The following SLC14A2 variants were observed in gnomAD, a reference collection of about 807,000 sequenced individuals.
The protein encoded by SLC14A2 is urea transporter 2.
A neutral mutation model predicts 104.6 loss-of-function variants in SLC14A2; 91 were observed. That is an observed-to-expected ratio of 0.87 (90% confidence interval 0.73 to 1.04). The LOEUF (loss-of-function observed/expected upper bound fraction) is 1.04. SLC14A2 is among the 50% of genes least tolerant of loss of function. The pLI is 0.00. For synonymous variants in SLC14A2, 476 were observed against 466.4 expected, an observed-to-expected ratio of 1.02 and a Z score of -0.27; for missense variants, 1,189 against 1,156.0, an observed-to-expected ratio of 1.03 and a Z score of -0.41.
chr18:45,659,736 A>G (rs1177699690), intron 10 of SLC14A2, among the ~76,000 whole-genome samples: 1 of 152,230 alleles, frequency 6.6e-6, no homozygotes, highest in Non-Finnish European at 1.5e-5. Flanking sequence ...TTCAGTGTCT[A>G]TCAAACATTT....
the SLC14A2 span, among the ~76,000 whole-genome samples, chr18:45,173,100 C>T: frequency 6.6e-6 from 1 of 152,082 alleles, no homozygotes; most frequent in African/African-American, 2.4e-5. Context: ...TGATTAGCTG[C>T]CTGTGCAGTA....
chr18:45,580,926 G>T (rs899833505), intron 2 of SLC14A2, among the ~76,000 whole-genome samples: 3 of 152,064 alleles, frequency 2.0e-5, no homozygotes, highest in African/African-American at 7.3e-5. Flanking sequence ...GGCAGAAGAG[G>T]GAAATACTCA....
In SLC14A2 at chr18:45,411,111, G is replaced by A. The variant is rs149200977; in HGVS notation, c.-124-72122G>A. On this transcript the variant is annotated intron_variant, in intron 1 of 20. Transcript: ENST00000586448. ...GGAACCTAACCCTGTATTCCCTTAC[G>A]AGCAATAGTTCAGAATTCACTAATT... 3.4e-3 allele frequency among the ~76,000 whole-genome samples: 524 copies of A among 152,270 alleles called. 5 individuals carry two copies. The highest frequency in any genetic ancestry group is 0.012 in the African/African-American group (481 of 41,570).
At chr18:45,450,625 T>C (rs541770682) in intron 1 of SLC14A2, among the ~76,000 whole-genome samples, 23 of 152,340 alleles carry the variant, frequency 1.5e-4, no homozygotes, top group African/African-American at 4.3e-4. Context: ...TGAGTACCAC[T>C]GCAGGGGATA....
At chr18:45,394,559 G>T (rs1047310219) in intron 1 of SLC14A2, among the ~76,000 whole-genome samples, 2 of 152,106 alleles carry the variant, frequency 1.3e-5, no homozygotes, top group Non-Finnish European at 2.9e-5. Flanking sequence ...ATGCTAACAG[G>T]TGTCAGGTGC....
chr18:45,613,844 T>C (rs2045014066), upstream of SLC14A2, among the ~76,000 whole-genome samples: 1 of 152,198 alleles, frequency 6.6e-6, no homozygotes, highest in African/African-American at 2.4e-5. Flanking sequence ...AAAAGAGAAG[T>C]AGAGCATAAA....
intron 5 of SLC14A2, among the ~76,000 whole-genome samples, chr18:45,634,544 G>A (rs2144534082): frequency 6.6e-6 from 1 of 152,348 alleles, no homozygotes; most frequent in South Asian, 2.1e-4. Flanking sequence ...ATCTGAAGAT[G>A]TGGGTGAAGG....
intron 1 of SLC14A2, among the ~76,000 whole-genome samples, chr18:45,232,974 C>T (rs2084189468): frequency 6.6e-6 from 1 of 152,222 alleles, no homozygotes; most frequent in African/African-American, 2.4e-5. Context: ...CCCAATTTTT[C>T]TCTAACTTAA....
intron 2 of SLC14A2, among the ~76,000 whole-genome samples, chr18:45,511,837 T>A (rs1312790673): frequency 1.3e-5 from 2 of 152,232 alleles, no homozygotes; most frequent in East Asian, 3.9e-4. Context: ...CCCAAGGTGC[T>A]TGGTGATACC....
chr18:45,321,375 A>G (rs1421387728), intron 1 of SLC14A2, among the ~76,000 whole-genome samples: 1 of 152,238 alleles, frequency 6.6e-6, no homozygotes, highest in East Asian at 1.9e-4. Context: ...ACAAGAAACA[A>G]TAGCTAGGAA....
At chr18:45,315,098 C>T (rs1354459941) in intron 1 of SLC14A2, among the ~76,000 whole-genome samples, 1 of 152,068 alleles carries the variant, frequency 6.6e-6, no homozygotes, top group Admixed American at 6.6e-5. Context: ...TTCAATGGCT[C>T]CCTGACAATA....
intron 2 of SLC14A2, 117 bp from the exon 3 acceptor site, chr18:45,625,566 C>A: frequency 1.3e-6 from 1 of 768,562 alleles, no homozygotes; most frequent in African/African-American, 1.8e-5. Flanking sequence ...ATGTGTTCCA[C>A]CCTTTGTCTC....
chr18:45,530,644 A>G (rs1241156380), intron 2 of SLC14A2, among the ~76,000 whole-genome samples: 1 of 152,086 alleles, frequency 6.6e-6, no homozygotes, highest in Non-Finnish European at 1.5e-5. Flanking sequence ...GAGCCTAAGA[A>G]GAGAAGGTAC....
At chr18:45,213,047 T>C (rs992984084) in exon 1 of SLC14A2, 7 of 152,458 alleles carry the variant, frequency 4.6e-5, no homozygotes, top group Non-Finnish European at 1.0e-4. Flanking sequence ...AGCTCCTCTG[T>C]ATTTCTTGGC....
chr18:45,205,101 A>G, the SLC14A2 span, among the ~76,000 whole-genome samples: 3 of 152,210 alleles, frequency 2.0e-5, no homozygotes, highest in Non-Finnish European at 4.4e-5. Flanking sequence ...GGTGCTGGAC[A>G]TAGGGACCTC....
At chr18:45,437,852 C>T (rs2086621953) in intron 1 of SLC14A2, among the ~76,000 whole-genome samples, 1 of 152,126 alleles carries the variant, frequency 6.6e-6, no homozygotes, top group South Asian at 2.1e-4. Flanking sequence ...GATAATAACT[C>T]CAAGTATGAG....
upstream of SLC14A2, among the ~76,000 whole-genome samples, chr18:45,611,980 C>T (rs766740646): frequency 2.0e-5 from 3 of 152,214 alleles, no homozygotes; most frequent in Non-Finnish European, 4.4e-5. Flanking sequence ...GAATACTTCA[C>T]TCATTCATCA....
chr18:45,675,554 G>A (rs2046211263), intron 18 of SLC14A2, among the ~76,000 whole-genome samples: 1 of 151,626 alleles, frequency 6.6e-6, no homozygotes, highest in Admixed American at 6.6e-5. Context: ...TTACTCTGTT[G>A]CCCAGGCTGG....
At chr18:45,622,110 A>G (rs2144494195) in intron 1 of SLC14A2, among the ~76,000 whole-genome samples, 1 of 152,320 alleles carries the variant, frequency 6.6e-6, no homozygotes, top group Admixed American at 6.5e-5. Flanking sequence ...TTAAGCAGGG[A>G]TCCAACATGA....
Sources: gnomAD v4.1 joint callset for allele counts (sites outside exome capture counted in the v4.1 genomes callset) on GRCh38, gnomAD v4.1.1 for gene constraint, MANE v1.5 for transcripts, NCBI Gene and HGNC (gene_info 2026-07-23, HGNC 2026-07-21) for gene names.